Variants in GSKIP observed in about 807,000 individuals in gnomAD.
The protein encoded by GSKIP is GSK3B interacting protein.
GSKIP carries 5 observed loss-of-function variants against 11.9 expected under a neutral mutation model. The ratio of observed to expected loss-of-function variants is 0.42; its 90% CI spans 0.22 to 0.89. The LOEUF (loss-of-function observed/expected upper bound fraction) is 0.89. Among genes scored for constraint, GSKIP ranks in the 40% least tolerant of loss-of-function variants. The pLI is 0.29. For missense variants in GSKIP, 150 were observed against 166.6 expected (o/e 0.90, Z 0.55); for synonymous variants, 70 against 62.9 (o/e 1.11, Z -0.54).
rs1889476040 is a variant in GSKIP at position 96,385,819 on chromosome 14, G to A, written c.*135G>A. On this transcript the variant is annotated 3_prime_UTR_variant, in exon 4 of 4. Transcript: ENST00000555181. ...CACTTGCTTCCAACTTAGGCTTTTG[G>A]CTCAGAAGATTATTGAATAATGATT... 1 of 638,732 alleles carries A rather than the reference G, an allele frequency of 1.6e-6. No individual in the cohort carries two copies. Among genetic ancestry groups the A allele is most frequent in the South Asian group, 2.2e-5 (1 of 45,292 alleles). 39.6% of individuals were successfully genotyped at this position (638,732 alleles called of 1,614,324 possible). A position where few individuals can be genotyped will look rare whatever the true frequency, so the allele number is the denominator to read the frequency against.
intron 1 of GSKIP, among the ~76,000 whole-genome samples, chr14:96,377,498 A>C (rs1025944712): frequency 2.0e-5 from 3 of 152,240 alleles, no homozygotes; most frequent in Non-Finnish European, 4.4e-5. Flanking sequence ...TCCATTGAGC[A>C]GAAAATATAT....
At chr14:96,367,169 A>G (rs1888910120) in intron 1 of GSKIP, among the ~76,000 whole-genome samples, 1 of 152,232 alleles carries the variant, frequency 6.6e-6, no homozygotes, top group African/African-American at 2.4e-5. Flanking sequence ...AGTTCTAAGC[A>G]CTTTCCATGT....
intron 1 of GSKIP, chr14:96,365,064 A>C (rs1888836769): frequency 6.6e-6 from 1 of 152,032 alleles, no homozygotes; most frequent in South Asian, 2.1e-4. Context: ...TGTGCCAAGC[A>C]CTGTTCTAGG....
At chr14:96,382,151 G>A in intron 2 of GSKIP, 96 bp from the exon 3 acceptor site, 1 of 768,890 alleles carries the variant, frequency 1.3e-6, no homozygotes, top group Non-Finnish European at 2.0e-6. Flanking sequence ...TTGTACTAAG[G>A]AGCAATTGTA....
At chr14:96,385,210 A>G (rs183110871) in intron 3 of GSKIP, among the ~76,000 whole-genome samples, 6 of 152,314 alleles carry the variant, frequency 3.9e-5, no homozygotes, top group Non-Finnish European at 7.4e-5. Context: ...TAGCTTTTCA[A>G]ATTCTTTCTC....
At position 96,382,514 on chromosome 14, in the gene GSKIP, C is replaced by T. The variant is rs779611607; in HGVS notation, c.258+9C>T. On this transcript the variant is annotated intron_variant, in intron 3 of 3. Transcript: ENST00000555181. ...CTGAAGCAGGGCTCAAGGTAACTCA[C>T]TTTTCCTTTTAGAAAAAAAAATTAT... The T allele has an allele frequency of 3.2e-6, 5 of 1,581,838 alleles. No homozygotes were observed. The Admixed American group carries it at 7.4e-5, about 23-fold the overall frequency.
intron 3 of GSKIP, among the ~76,000 whole-genome samples, chr14:96,384,141 T>C (rs1344401418): frequency 6.6e-6 from 1 of 152,172 alleles, no homozygotes; most frequent in East Asian, 1.9e-4. Flanking sequence ...TGACATGTAG[T>C]AGGTGCTCAA....
At chr14:96,378,447 A>G (rs1595350210) in intron 1 of GSKIP, among the ~76,000 whole-genome samples, 1 of 152,360 alleles carries the variant, frequency 6.6e-6, no homozygotes, top group East Asian at 1.9e-4. Flanking sequence ...GGCCTCTAGA[A>G]GTGAGAAAAG....
intron 1 of GSKIP, among the ~76,000 whole-genome samples, chr14:96,379,312 A>G (rs1230600051): frequency 1.3e-5 from 2 of 152,226 alleles, no homozygotes; most frequent in East Asian, 3.8e-4. Flanking sequence ...TCAAAAAAGT[A>G]AAGTGACCAG....
At chr14:96,376,070 C>G (rs1023717589) in intron 1 of GSKIP, among the ~76,000 whole-genome samples, 2 of 152,162 alleles carry the variant, frequency 1.3e-5, no homozygotes, top group African/African-American at 4.8e-5. Context: ...TTGGAGGGGA[C>G]AAGTATTCAT....
rs1889273888 is a variant in GSKIP, at chr14:96,378,952, T to C, written c.-102-736T>C. ...TCTGTTGTCAGCATCATGCTTGGGCTAGTGGCCCCATCTCAACATGGCTAC... is the reference window on the plus strand; with the variant it reads ...TCTGTTGTCAGCATCATGCTTGGGCCAGTGGCCCCATCTCAACATGGCTAC... On this transcript the variant is annotated intron_variant, in intron 1 of 3. Coordinates refer to ENST00000555181, the MANE Select transcript of GSKIP (RefSeq NM_016472.5). The C allele has an allele frequency of 2.6e-5, 4 of 152,316 alleles. No homozygotes were observed. In the South Asian group the frequency reaches 8.3e-4, roughly 32 times the overall value. The allele number at this position is 152,316 out of a possible 1,614,324, so 9.4% of individuals were successfully genotyped here. A position where few individuals can be genotyped will look rare whatever the true frequency, so the allele number is the denominator to read the frequency against.
intron 3 of GSKIP, among the ~76,000 whole-genome samples, chr14:96,383,465 A>G (rs1889404724): frequency 6.6e-6 from 1 of 152,166 alleles, no homozygotes; most frequent in African/African-American, 2.4e-5. Context: ...AAAATCTAAA[A>G]TCTAGTTTTA....
intron 1 of GSKIP, among the ~76,000 whole-genome samples, chr14:96,368,782 G>T (rs1204521707): frequency 1.3e-5 from 2 of 151,536 alleles, no homozygotes; most frequent in Non-Finnish European, 2.9e-5. Flanking sequence ...TTCACCATGT[G>T]ATCTGCATAT....
intron 3 of GSKIP, among the ~76,000 whole-genome samples, chr14:96,384,406 A>T (rs745888370): frequency 5.9e-5 from 9 of 152,084 alleles, no homozygotes; most frequent in Non-Finnish European, 1.2e-4. Context: ...AAAAAAAAAA[A>T]ACTCAGCTTC....
intron 3 of GSKIP, among the ~76,000 whole-genome samples, chr14:96,385,265 A>C (rs1174755624): frequency 2.0e-5 from 3 of 152,126 alleles, no homozygotes; most frequent in African/African-American, 7.2e-5. Context: ...AATGTTGAAA[A>C]TTCTATAGGG....
At chr14:96,383,805 T>C (rs1259070489) in intron 3 of GSKIP, among the ~76,000 whole-genome samples, 5 of 152,226 alleles carry the variant, frequency 3.3e-5, no homozygotes, top group Non-Finnish European at 5.9e-5. Flanking sequence ...GTGCACTTCT[T>C]TTCACATCCT....
intron 1 of GSKIP, among the ~76,000 whole-genome samples, chr14:96,374,759 A>T (rs1889149932): frequency 6.6e-6 from 1 of 152,218 alleles, no homozygotes; most frequent in Admixed American, 6.5e-5. Context: ...TGAAAAGGAG[A>T]CTAGTTCAGA....
chr14:96,384,070 C>T (rs539047051), intron 3 of GSKIP, among the ~76,000 whole-genome samples: 32 of 152,148 alleles, frequency 2.1e-4, no homozygotes, highest in Non-Finnish European at 2.2e-4. Context: ...AAACTTAAAA[C>T]GATTTGGGGA....
In GSKIP at chr14:96,370,492, G is replaced by A. The variant is rs930518; in HGVS notation, c.-103+6924G>A. On this transcript the variant is annotated intron_variant, in intron 1 of 3. Transcript: ENST00000555181. Reference sequence around the variant, plus strand: ...GCTGTTTGGGTCAGGGAGTTGGGGCGGGGTAGGGTTGGGGGGCCAGTTTGA... The same window carrying A: ...GCTGTTTGGGTCAGGGAGTTGGGGCAGGGTAGGGTTGGGGGGCCAGTTTGA... Among the ~76,000 whole-genome samples the A allele has an allele frequency of 3.0e-4, 46 of 152,274 alleles. No homozygotes were observed. The South Asian group carries it at 8.7e-3, about 29-fold the overall frequency.
Sources: allele counts gnomAD v4.1 joint callset (sites outside exome capture counted in the v4.1 genomes callset), GRCh38; gene constraint gnomAD v4.1.1; transcripts MANE v1.5; gene names NCBI Gene and HGNC (gene_info 2026-07-23, HGNC 2026-07-21).